Variants in DLG2 observed in about 807,000 individuals in gnomAD.
The protein encoded by DLG2 is disks large homolog 2.
In DLG2, 45 loss-of-function variants were observed where a neutral mutation model predicts 132.5. That is an observed-to-expected ratio of 0.34 (90% CI 0.27 to 0.44). The LOEUF (loss-of-function observed/expected upper bound fraction) is 0.44. Ranked by LOEUF, DLG2 falls within the 20% of genes least tolerant of loss-of-function variation. DLG2 has a pLI of 1.00. For synonymous variants in DLG2, 424 were observed against 419.6 expected (o/e 1.01, Z -0.13); for missense variants, 1,045 against 1,196.9 (o/e 0.87, Z 1.87).
At chr11:83,641,785 T>G (rs2066583336) in intron 18 of DLG2, among the ~76,000 whole-genome samples, 1 of 152,136 alleles carries the variant, frequency 6.6e-6, no homozygotes, top group South Asian at 2.1e-4. Flanking sequence ...AACCTGCCTC[T>G]GTGTTGAAGT....
chr11:83,689,980 A>ATAT (rs1315798265), intron 18 of DLG2, among the ~76,000 whole-genome samples: 3 of 134,654 alleles, frequency 2.2e-5, no homozygotes, highest in African/African-American at 5.6e-5. Flanking sequence ...TTATATTATA[A>ATAT]TATATTTATT....
chr11:85,422,056 C>T (rs757624701), intron 3 of DLG2, among the ~76,000 whole-genome samples: 1 of 152,146 alleles, frequency 6.6e-6, no homozygotes, highest in Non-Finnish European at 1.5e-5. Context: ...GAGAAATGTG[C>T]TTTTAATCTG....
chr11:84,845,846 A>C (rs1277140413), intron 6 of DLG2, among the ~76,000 whole-genome samples: 1 of 151,644 alleles, frequency 6.6e-6, no homozygotes, highest in Non-Finnish European at 1.5e-5. Flanking sequence ...CACCCAGCTA[A>C]TTTTTGTATT....
intron 3 of DLG2, among the ~76,000 whole-genome samples, chr11:85,560,156 T>G (rs1598519043): frequency 6.6e-6 from 1 of 151,778 alleles, no homozygotes; most frequent in Non-Finnish European, 1.5e-5. Flanking sequence ...ACACTGTCAT[T>G]ATGAAAAATA....
At chr11:84,310,844 A>C (rs2098279585) in intron 7 of DLG2, among the ~76,000 whole-genome samples, 1 of 152,174 alleles carries the variant, frequency 6.6e-6, no homozygotes, top group South Asian at 2.1e-4. Context: ...TCTTGGACTA[A>C]AAAGTCCTCC....
At chr11:83,962,473 A>G (rs11233862) in intron 14 of DLG2, among the ~76,000 whole-genome samples, 20,666 of 151,946 alleles carry the variant, frequency 0.14, 1,753 homozygotes, top group African/African-American at 0.22. Flanking sequence ...AAGTTTTTAC[A>G]TTTACATTTC....
chr11:83,483,052 T>C (rs1591597504), intron 22 of DLG2, among the ~76,000 whole-genome samples: 1 of 152,118 alleles, frequency 6.6e-6, no homozygotes, highest in Admixed American at 6.6e-5. Context: ...GAGTGCCTGA[T>C]ACATTTTGCT....
At chr11:83,556,381 T>TC (rs1381017823) in intron 19 of DLG2, among the ~76,000 whole-genome samples, 12 of 151,404 alleles carry the variant, frequency 7.9e-5, no homozygotes, top group Admixed American at 7.9e-4. Context: ...TTTCTTTCTT[T>TC]TTTTTTTTTG....
intron 6 of DLG2, among the ~76,000 whole-genome samples, chr11:84,735,614 G>A (rs1329980158): frequency 6.6e-6 from 1 of 152,068 alleles, no homozygotes; most frequent in Non-Finnish European, 1.5e-5. Context: ...ATTTTTGAAG[G>A]ATTTTTTTCG....
rs71465003 is a variant in DLG2, at chr11:84,243,017, C to CTATA, written c.573+8217_573+8220dup. On this transcript the variant is annotated intron_variant, in intron 8 of 27. Coordinates refer to ENST00000376104, the MANE Select transcript of DLG2 (RefSeq NM_001142699.3). ...GTTCTCTCTCTCTCTCTCTCTCTCT[C>CTATA]TATATATATATATATATATATACAC... 3.6e-3 allele frequency among the ~76,000 whole-genome samples: 515 copies of CTATA among 142,180 alleles called. 3 individuals are homozygous for CTATA. Among genetic ancestry groups the CTATA allele is most frequent in the East Asian group, 9.3e-3 (45 of 4,814 alleles). 93.3% of individuals were successfully genotyped at this position (142,180 alleles called of 152,430 possible).
intron 6 of DLG2, among the ~76,000 whole-genome samples, chr11:84,752,073 C>T (rs923277253): frequency 1.3e-5 from 2 of 152,174 alleles, no homozygotes; most frequent in Non-Finnish European, 2.9e-5. Context: ...AAATCTTCCA[C>T]TGCCCAGTTC....
intron 6 of DLG2, among the ~76,000 whole-genome samples, chr11:84,856,177 T>C (rs2082760929): frequency 6.6e-6 from 1 of 152,080 alleles, no homozygotes; most frequent in Non-Finnish European, 1.5e-5. Flanking sequence ...CCACACAAAG[T>C]CATTCTAATC....
intron 7 of DLG2, among the ~76,000 whole-genome samples, chr11:84,360,165 A>G (rs1453470228): frequency 6.6e-6 from 1 of 151,946 alleles, no homozygotes; most frequent in Non-Finnish European, 1.5e-5. Context: ...CTAGGAAAAT[A>G]TGAGAAGATG....
chr11:85,064,366 C>A (rs2064564234), intron 6 of DLG2, among the ~76,000 whole-genome samples: 1 of 151,746 alleles, frequency 6.6e-6, no homozygotes, highest in African/African-American at 2.4e-5. Flanking sequence ...TATATAAAAT[C>A]ATCATATTGC....
intron 7 of DLG2, among the ~76,000 whole-genome samples, chr11:84,260,523 T>A (rs1299192050): frequency 6.6e-6 from 1 of 152,192 alleles, no homozygotes; most frequent in Non-Finnish European, 1.5e-5. Context: ...ATAAAGTATA[T>A]CACACACATT....
chr11:84,007,089 A>G (rs1462743436), intron 11 of DLG2, among the ~76,000 whole-genome samples: 1 of 151,662 alleles, frequency 6.6e-6, no homozygotes, highest in Non-Finnish European at 1.5e-5. Context: ...TGTAAAAGAG[A>G]TAATTGGAAA....
At position 83,513,874 on chromosome 11, in the gene DLG2, T is replaced by C. The variant is rs528520931; in HGVS notation, c.2193+18834A>G. 5.3e-5 allele frequency among the ~76,000 whole-genome samples: 8 copies of C among 152,340 alleles called. No homozygotes were observed. The South Asian group carries it at 8.3e-4, about 16-fold the overall frequency. On this transcript the variant is annotated intron_variant, in intron 21 of 27. Coordinates refer to ENST00000376104, the MANE Select transcript of DLG2 (RefSeq NM_001142699.3). ...CATTATTTCTGAGGGCTCTGTTCTG[T>C]TCCATTGGTCTATATCTCTGTTTTG...
intron 9 of DLG2, among the ~76,000 whole-genome samples, chr11:84,161,087 G>A (rs1018378689): frequency 6.6e-6 from 1 of 152,220 alleles, no homozygotes; most frequent in Admixed American, 6.5e-5. Context: ...AGATGAGTGA[G>A]TGTTTCTCTA....
At chr11:83,677,431 G>T (rs1407947355) in intron 18 of DLG2, among the ~76,000 whole-genome samples, 1 of 152,056 alleles carries the variant, frequency 6.6e-6, no homozygotes, top group African/African-American at 2.4e-5. Context: ...TTCATATGGA[G>T]GAGAGCATAG....
Sources: gnomAD v4.1 joint callset for allele counts (sites outside exome capture counted in the v4.1 genomes callset) on GRCh38, gnomAD v4.1.1 for gene constraint, MANE v1.5 for transcripts, NCBI Gene and HGNC (gene_info 2026-07-23, HGNC 2026-07-21) for gene names.